The following NRXN3 variants were observed in gnomAD, a reference collection of about 807,000 sequenced individuals.
NRXN3 encodes neurexin III.
A neutral mutation model predicts 137.6 loss-of-function variants in NRXN3; 32 were observed. That is an observed-to-expected ratio of 0.23 (90% confidence interval 0.18 to 0.31). NRXN3 has a LOEUF of 0.31. Among genes scored for constraint, NRXN3 ranks in the 10% least tolerant of loss-of-function variants. The probability of loss-of-function intolerance (pLI) is 1.00; values close to 1 mark genes in which losing one functional copy is unlikely to be tolerated. For synonymous variants in NRXN3, 798 were observed against 784.5 expected (o/e 1.02, Z -0.29); for missense variants, 1,574 against 2,062.5 (o/e 0.76, Z 4.59).
intron 4 of NRXN3, among the ~76,000 whole-genome samples, chr14:78,544,640 C>A (rs1002084574): frequency 6.6e-6 from 1 of 152,170 alleles, no homozygotes. Context: ...TGACCAGGGT[C>A]CCATAGTTAA....
intron 20 of NRXN3, among the ~76,000 whole-genome samples, chr14:79,836,490 G>C (rs994008540): frequency 1.3e-5 from 2 of 151,910 alleles, no homozygotes; most frequent in Non-Finnish European, 2.9e-5. Flanking sequence ...CTAGCCTGCA[G>C]GACACAAAGC....
At chr14:79,270,592 T>G (rs950294220) in intron 15 of NRXN3, among the ~76,000 whole-genome samples, 5 of 152,138 alleles carry the variant, frequency 3.3e-5, no homozygotes, top group African/African-American at 1.2e-4. Context: ...ATTTCAGAAT[T>G]CATGATTCCA....
At chr14:79,015,794 A>G (rs1418164430) in intron 15 of NRXN3, among the ~76,000 whole-genome samples, 2 of 152,252 alleles carry the variant, frequency 1.3e-5, no homozygotes, top group East Asian at 1.9e-4. Flanking sequence ...GTCCAACACC[A>G]GTAAATGATA....
chr14:79,285,490 GT>G (rs1434032453), intron 15 of NRXN3, among the ~76,000 whole-genome samples: 7 of 152,158 alleles, frequency 4.6e-5, no homozygotes, highest in Non-Finnish European at 8.8e-5. Context: ...AGAGAAATTT[GT>G]TTGCTCAAGG....
At chr14:78,197,467 C>T (rs568874461) in intron 1 of NRXN3, among the ~76,000 whole-genome samples, 3 of 152,210 alleles carry the variant, frequency 2.0e-5, no homozygotes, top group East Asian at 3.9e-4. Flanking sequence ...TTGGTTATGC[C>T]GTGGCTCAAC....
At chr14:78,782,599 T>A (rs745389408) in intron 8 of NRXN3, among the ~76,000 whole-genome samples, 4 of 152,230 alleles carry the variant, frequency 2.6e-5, no homozygotes, top group South Asian at 4.1e-4. Context: ...GGACTGGGTC[T>A]AAGGACCTTC....
intron 16 of NRXN3, among the ~76,000 whole-genome samples, chr14:79,632,691 T>C (rs1208677096): frequency 6.6e-6 from 1 of 152,216 alleles, no homozygotes; most frequent in African/African-American, 2.4e-5. Flanking sequence ...ATTAAGTCCA[T>C]TCTGTGTTCT....
chr14:78,282,001 C>T (rs2074472245), intron 3 of NRXN3: 1 of 400,584 alleles, frequency 2.5e-6, no homozygotes, highest in Non-Finnish European at 5.1e-6. Flanking sequence ...TGGCCACAAG[C>T]ACATGGGGAG....
intron 15 of NRXN3, among the ~76,000 whole-genome samples, chr14:79,342,955 G>T (rs534433609): frequency 6.6e-6 from 1 of 152,196 alleles, no homozygotes; most frequent in South Asian, 2.1e-4. Context: ...AGATAATTTG[G>T]CGGGTAGGGG....
At chr14:79,302,926 G>T (rs1343006788) in intron 15 of NRXN3, among the ~76,000 whole-genome samples, 1 of 151,800 alleles carries the variant, frequency 6.6e-6, no homozygotes, top group African/African-American at 2.4e-5. Flanking sequence ...ATTCATGAGG[G>T]ATCTGCCCTC....
At chr14:78,758,854 A>T (rs1595577181) in intron 8 of NRXN3, among the ~76,000 whole-genome samples, 2 of 152,116 alleles carry the variant, frequency 1.3e-5, no homozygotes, top group African/African-American at 4.8e-5. Context: ...TGTGGCCTGG[A>T]TCATCAGTGT....
chr14:78,914,688 G>T (rs765571010), intron 10 of NRXN3, among the ~76,000 whole-genome samples: 43 of 152,166 alleles, frequency 2.8e-4, no homozygotes, highest in Non-Finnish European at 5.0e-4. Context: ...GATGAGACTA[G>T]AAAAGTGGCA....
chr14:78,771,733 T>C (rs1474301141), intron 8 of NRXN3, among the ~76,000 whole-genome samples: 1 of 152,192 alleles, frequency 6.6e-6, no homozygotes, highest in Non-Finnish European at 1.5e-5. Context: ...GTCAAGTTTG[T>C]TTTTAGTTTG....
chr14:79,025,091 A>G (rs2099595841), intron 15 of NRXN3, among the ~76,000 whole-genome samples: 1 of 151,972 alleles, frequency 6.6e-6, no homozygotes, highest in African/African-American at 2.4e-5. Context: ...TCCCTTTGAG[A>G]GTTTATCATT....
intron 15 of NRXN3, among the ~76,000 whole-genome samples, chr14:79,327,472 C>A (rs781161912): frequency 6.6e-6 from 1 of 152,142 alleles, no homozygotes; most frequent in Non-Finnish European, 1.5e-5. Flanking sequence ...AAACACCCTG[C>A]AACAATGGCT....
intron 16 of NRXN3, among the ~76,000 whole-genome samples, chr14:79,624,666 CT>C (rs2098262274): frequency 6.6e-6 from 1 of 152,078 alleles, no homozygotes; most frequent in Admixed American, 6.5e-5. Context: ...TAACCTATAT[CT>C]CCCCATCTCC....
chr14:78,884,679 G>A lies in NRXN3; in HGVS notation c.2276-72563G>A, dbSNP rs550723315. Among the ~76,000 whole-genome samples the A allele has an allele frequency of 4.4e-4, 67 of 152,262 alleles. 3 individuals carry two copies. The South Asian group carries it at 0.014, about 31-fold the overall frequency. On this transcript the variant is annotated intron_variant, in intron 10 of 20. Coordinates refer to ENST00000335750, the MANE Select transcript of NRXN3 (RefSeq NM_001330195.2). Reference sequence around the variant, plus strand: ...CTGCATTATTCTAAACCAAAATTAAGTTATATTAATACATTCTCTTTAATC... The same window carrying A: ...CTGCATTATTCTAAACCAAAATTAAATTATATTAATACATTCTCTTTAATC...
intron 3 of NRXN3, chr14:78,282,178 G>A (rs754579118): frequency 2.0e-6 from 1 of 494,124 alleles, no homozygotes; most frequent in East Asian, 5.7e-5. Flanking sequence ...TTTGTACATT[G>A]GGATTTGTCA....
At chr14:79,348,666 C>T (rs893670531) in intron 15 of NRXN3, among the ~76,000 whole-genome samples, 1 of 152,110 alleles carries the variant, frequency 6.6e-6, no homozygotes, top group Non-Finnish European at 1.5e-5. Context: ...CGTAAGCCAC[C>T]GCGCCCGGCC....
Sources: allele counts gnomAD v4.1 joint callset (sites outside exome capture counted in the v4.1 genomes callset), GRCh38; gene constraint gnomAD v4.1.1; transcripts MANE v1.5; gene names NCBI Gene and HGNC (gene_info 2026-07-23, HGNC 2026-07-21).